The following NBPF19 variants were observed in gnomAD, a reference collection of about 807,000 sequenced individuals.
NBPF19 encodes the protein NBPF member 19, also known as NBPF family member NBPF19.
In NBPF19, 30 loss-of-function variants were observed where a neutral mutation model predicts 45.9. The ratio of observed to expected loss-of-function variants is 0.65; its 90% CI spans 0.49 to 0.89. The LOEUF (loss-of-function observed/expected upper bound fraction) is 0.89, where lower values mean the gene tolerates loss of function less well. Ranked by LOEUF, NBPF19 falls within the 40% of genes least tolerant of loss-of-function variation. The pLI is 0.00. For missense variants in NBPF19, 495 were observed against 471.8 expected, an observed-to-expected ratio of 1.05 and a Z score of -0.46; for synonymous variants, 183 against 181.2, an observed-to-expected ratio of 1.01 and a Z score of -0.08.
At position 149,554,836 on chromosome 1, in the gene NBPF19, C is replaced by T; in HGVS notation, c.*98C>T. The T allele has an allele frequency of 3.2e-6, 5 of 1,583,436 alleles. No homozygotes were observed. Among genetic ancestry groups the T allele is most frequent in the Admixed American group, 3.4e-5 (2 of 58,800 alleles). On this transcript the variant is annotated 3_prime_UTR_variant, in exon 94 of 94. Transcript: ENST00000651566. ...CTACAGTTCCATTTGGAAGCCCAGA[C>T]ATAGGATGGGTCAGTGGGCATGGCT...
chr1:149,487,831 C>A, intron 9 of NBPF19, among the ~76,000 whole-genome samples, 182 bp from the exon 10 acceptor site: 2 of 138,212 alleles, frequency 1.4e-5, no homozygotes, highest in South Asian at 2.3e-4. Context: ...GTGTCTTTCT[C>A]GTTCATCCTT....
At chr1:149,477,803 T>C in intron 2 of NBPF19, 142 bp from the exon 3 acceptor site, 1 of 883,670 alleles carries the variant, frequency 1.1e-6, no homozygotes, top group Non-Finnish European at 1.8e-6. Flanking sequence ...GACTGAAGAA[T>C]AAAGATGTGG....
At chr1:149,477,354 C>T (rs1394715644) in intron 2 of NBPF19, among the ~76,000 whole-genome samples, 4 of 151,490 alleles carry the variant, frequency 2.6e-5, no homozygotes, top group African/African-American at 9.7e-5. Flanking sequence ...TAATCTAAAT[C>T]TTAATGCTGC....
intron 8 of NBPF19, among the ~76,000 whole-genome samples, chr1:149,486,689 T>C (rs1298234903): frequency 1.3e-5 from 2 of 151,280 alleles, no homozygotes; most frequent in Admixed American, 1.3e-4. Flanking sequence ...GTCTGTGTGG[T>C]TCTTTACCTG....
rs7512624 is a variant in NBPF19 at position 149,486,991 on chromosome 1, G to C, written c.989-341G>C. 1.5e-3 allele frequency among the ~76,000 whole-genome samples: 219 copies of C among 150,836 alleles called. 3 individuals carry two copies. The highest frequency in any genetic ancestry group is 4.9e-3 in the African/African-American group (203 of 41,148). The stretch of plus-strand genomic sequence containing the variant: ...ATAAACTATCAAATTCTGGGTATTT[G>C]ATGAGAGAAAGCTTAATATTGAAGT... On this transcript the variant is annotated intron_variant, in intron 8 of 93. Coordinates refer to ENST00000651566, the MANE Select transcript of NBPF19 (RefSeq NM_001351365.2).
rs1391319412 is a variant in NBPF19, at chr1:149,554,942, C to G, written c.*204C>G. ...GGACCCACGTTAGGTGTGACACGTT[C>G]ACATAACTGTGCAGCACATGCCGGG... On this transcript the variant is annotated 3_prime_UTR_variant, in exon 94 of 94. Transcript: ENST00000651566. The G allele has an allele frequency of 1.7e-5, 15 of 871,910 alleles. 1 individual carries two copies. The highest frequency in any genetic ancestry group is 2.1e-5 in the Non-Finnish European group (12 of 565,712). The allele number at this position is 871,910 out of a possible 1,614,324, so 54.0% of individuals were successfully genotyped here.
chr1:149,554,023 CAGT>C (rs2087121028), intron 93 of NBPF19, 141 bp downstream of exon 93: 4 of 303,080 alleles, frequency 1.3e-5, no homozygotes, highest in African/African-American at 1.2e-4. Context: ...GTTTTCATTG[CAGT>C]AGATGTTTAG....
intron 9 of NBPF19, among the ~76,000 whole-genome samples, chr1:149,487,775 C>CTGTGTGTGTGTG (rs1219803937): frequency 1.7e-4 from 22 of 128,686 alleles, no homozygotes; most frequent in African/African-American, 5.3e-4. Context: ...TGAGCTCGCT[C>CTGTGTGTGTGTG]TGTGTGTGTG....
intron 9 of NBPF19, 36 bp downstream of exon 9, chr1:149,487,419 T>C (rs1329794563): frequency 8.9e-7 from 1 of 1,125,542 alleles, no homozygotes. Context: ...TAATTTGATG[T>C]TGACACCTGG....
Position 149,487,691 on chromosome 1 carries a change from C to A in NBPF19, c.1040+308C>A, listed in dbSNP as rs1463690097. ...GGACATGCTTTTCATGATCACTGTT[C>A]ACTGTGTGTCCTGAGAGCACAAATA... is the stretch of plus-strand genomic sequence containing the variant. On this transcript the variant is annotated intron_variant, in intron 9 of 93. Coordinates refer to ENST00000651566, the MANE Select transcript of NBPF19 (RefSeq NM_001351365.2). Among the ~76,000 whole-genome samples the A allele has an allele frequency of 4.7e-5, 7 of 150,124 alleles. No individual in the cohort carries two copies. The South Asian group carries it at 1.3e-3, about 27-fold the overall frequency.
Position 149,487,805 on chromosome 1 carries a change from G to GTGTGTGTGTGTT in NBPF19, c.1041-197_1041-196insTTGTGTGTGTGT, listed in dbSNP as rs1311627514. ...TGTGTGTGTGTGTGTGTGTGTGTGT[G>GTGTGTGTGTGTT]TGTGTGTGTGTGTGTGTGTCTTTCT... On this transcript the variant is annotated intron_variant, in intron 9 of 93. Coordinates refer to ENST00000651566, the MANE Select transcript of NBPF19 (RefSeq NM_001351365.2). 7.0e-4 allele frequency among the ~76,000 whole-genome samples: 104 copies of GTGTGTGTGTGTT among 148,358 alleles called. 1 individual carries two copies. The highest frequency in any genetic ancestry group is 3.2e-3 in the South Asian group (15 of 4,628).
chr1:149,519,445 C>CTGTGTG (rs374862187), intron 49 of NBPF19, among the ~76,000 whole-genome samples: 144 of 10,660 alleles, frequency 0.014, 3 homozygotes, highest in Admixed American at 0.023. Context: ...CTCTCTCTCT[C>CTGTGTG]TGTGTGTGTG....
At chr1:149,494,014 T>A in intron 17 of NBPF19, among the ~76,000 whole-genome samples, 1 of 97,204 alleles carries the variant, frequency 1.0e-5, no homozygotes. Flanking sequence ...TCGCTGTGTG[T>A]CCCGAGGGCA....
At chr1:149,487,868 C>T (rs1274376200) in intron 9 of NBPF19, 145 bp from the exon 10 acceptor site, 7 of 665,896 alleles carry the variant, frequency 1.1e-5, no homozygotes, top group Admixed American at 6.3e-5. Flanking sequence ...TCTATCCCAA[C>T]ATAAAGGCAA....
In NBPF19 at chr1:149,487,779, GT is replaced by G. The variant is rs2085673495; in HGVS notation, c.1041-233del. 5.4e-5 allele frequency among the ~76,000 whole-genome samples: 3 copies of G among 55,076 alleles called. No individual in the cohort carries two copies. In the East Asian group the frequency reaches 2.6e-3, roughly 48 times the overall value. 36.1% of individuals were successfully genotyped at this position (55,076 alleles called of 152,430 possible). On this transcript the variant is annotated intron_variant, in intron 9 of 93. Coordinates refer to ENST00000651566, the MANE Select transcript of NBPF19 (RefSeq NM_001351365.2). ...GACCAATTGACTGAGCTCGCTCTGT[GT>G]GTGTGTGTGTGTGTGTGTGTGTGTG...
In NBPF19 at chr1:149,488,059, G is replaced by A. The variant is rs2085722935; in HGVS notation, c.1087G>A (p.Asp363Asn). 3 of 681,354 alleles carry A rather than the reference G, an allele frequency of 4.4e-6. No homozygotes were observed. The highest frequency in any genetic ancestry group is 2.2e-5 in the Admixed American group (1 of 45,664). The allele number at this position is 681,354 out of a possible 1,614,324, so 42.2% of individuals were successfully genotyped here. A position where few individuals can be genotyped will look rare whatever the true frequency, so the allele number is the denominator to read the frequency against. ...TGAGAAAGGGCCTGAAGTCTTGCAG[G>A]ACTCACTGGATAGATGTTATTCAAC... ...LDEKGPEVLQDSLDRCYSTPS... is the reference protein window; with the variant it reads ...LDEKGPEVLQNSLDRCYSTPS... Residue 363 changes from aspartate (D) to asparagine (N), a missense_variant, in exon 10 of 94, where the codon GAC becomes AAC. By Grantham distance (23) the Asp-to-Asn change is conservative. Coordinates refer to ENST00000651566, the MANE Select transcript of NBPF19 (RefSeq NM_001351365.2).
rs1229969310 is a variant in NBPF19 at position 149,554,647 on chromosome 1, G to C, written c.11441G>C (p.Ser3814Thr). 6.2e-7 allele frequency: 1 copy of C among 1,608,218 alleles called. No individual in the cohort carries two copies. ...TACTCATTTGAGGAAGAGCATATCA[G>C]CTTCGCCCTTTACTTGGACAATAGG... ...VFYSFEEEHISFALYLDNRFF... is the reference protein window; with the variant it reads ...VFYSFEEEHITFALYLDNRFF... Residue 3814 changes from serine to threonine, a missense_variant, in exon 94 of 94, where the codon AGC becomes ACC. By Grantham distance (58) the Ser-to-Thr change is moderately conservative. Transcript: ENST00000651566.
chr1:149,554,570 G>A lies in NBPF19; in HGVS notation c.11364G>A (p.Pro3788=), dbSNP rs1238044588. 4.1e-5 allele frequency: 66 copies of A among 1,608,168 alleles called. 4 individuals carry two copies. The highest frequency in any genetic ancestry group is 5.0e-5 in the Admixed American group (3 of 59,872). ...QDSLDGCYST[P]SMYFELPDSF... Reference sequence around the variant, plus strand: ...CACTGGATGGATGTTATTCGACTCCGTCAATGTACTTTGAACTACCTGACT... The same window carrying A: ...CACTGGATGGATGTTATTCGACTCCATCAATGTACTTTGAACTACCTGACT... The change falls in exon 94 of 94, where the codon CCG becomes CCA. Residue 3788 remains proline (P), a synonymous_variant. Coordinates refer to ENST00000651566, the MANE Select transcript of NBPF19 (RefSeq NM_001351365.2).
At chr1:149,476,320 CTAGAGT>C (rs1351069422) in intron 2 of NBPF19, among the ~76,000 whole-genome samples, 1 of 99,630 alleles carries the variant, frequency 1.0e-5, no homozygotes, top group African/African-American at 3.5e-5. Context: ...GGGGGTGGAA[CTAGAGT>C]TAAACTCACA....
Sources: gnomAD v4.1 joint callset for allele counts (sites outside exome capture counted in the v4.1 genomes callset) on GRCh38, gnomAD v4.1.1 for gene constraint, MANE v1.5 for transcripts, NCBI Gene and HGNC (gene_info 2026-07-23, HGNC 2026-07-21) for gene names.